VPS13B: variants seen among roughly 807,000 people sequenced by gnomAD.
The protein encoded by VPS13B is intermembrane lipid transfer protein VPS13B.
VPS13B carries 285 observed loss-of-function variants against 426.4 expected under a neutral mutation model. The ratio of observed to expected loss-of-function variants is 0.67; its 90% CI spans 0.61 to 0.74. The LOEUF (loss-of-function observed/expected upper bound fraction) is 0.74, where lower values mean the gene tolerates loss of function less well. Among genes scored for constraint, VPS13B ranks in the 30% least tolerant of loss-of-function variants. The pLI is 0.00. For synonymous variants in VPS13B, 1,676 were observed against 1,676.4 expected, an observed-to-expected ratio of 1.00 and a Z score of 0.01; for missense variants, 4,537 against 4,782.6, an observed-to-expected ratio of 0.95 and a Z score of 1.51.
intron 39 of VPS13B, among the ~76,000 whole-genome samples, chr8:99,740,826 C>A (rs970518318): frequency 6.6e-6 from 1 of 152,008 alleles, no homozygotes; most frequent in African/African-American, 2.4e-5. Context: ...GAAGGAAGCA[C>A]TAAACATGGA....
intron 17 of VPS13B, among the ~76,000 whole-genome samples, chr8:99,256,382 A>G (rs1213951340): frequency 2.0e-5 from 3 of 152,162 alleles, no homozygotes; most frequent in African/African-American, 7.2e-5. Flanking sequence ...TATCTTTTTG[A>G]AACTCTGTTT....
In VPS13B at chr8:99,877,449, C is replaced by T. The variant is rs7157; in HGVS notation, c.*1783C>T. 0.22 allele frequency: 32,975 copies of T among 152,514 alleles called. 4,043 individuals are homozygous for T. Among genetic ancestry groups the T allele is most frequent in the African/African-American group, 0.34 (14,021 of 41,462 alleles). The allele number at this position is 152,514 out of a possible 1,614,324, so 9.4% of individuals were successfully genotyped here. On this transcript the variant is annotated 3_prime_UTR_variant, in exon 62 of 62. Coordinates refer to ENST00000357162, the MANE Select transcript of VPS13B (RefSeq NM_152564.5). The stretch of plus-strand genomic sequence containing the variant: ...ATTACTGACCACCCATAGATGTCTA[C>T]TGTTACCAGGTTTTACAATGCAAAT...
chr8:99,252,753 C>T (rs985261864), intron 17 of VPS13B, among the ~76,000 whole-genome samples: 1 of 151,882 alleles, frequency 6.6e-6, no homozygotes, highest in African/African-American at 2.4e-5. Flanking sequence ...AGAGGATTGG[C>T]TCTTATAATT....
chr8:99,864,037 C>T (rs1439678874), intron 58 of VPS13B, among the ~76,000 whole-genome samples: 2 of 152,148 alleles, frequency 1.3e-5, no homozygotes, highest in Non-Finnish European at 2.9e-5. Flanking sequence ...CAAGGACTTC[C>T]TTTGTTTCAT....
chr8:99,779,454 A>G (rs1195302377), intron 42 of VPS13B, among the ~76,000 whole-genome samples: 2 of 152,200 alleles, frequency 1.3e-5, no homozygotes, highest in Non-Finnish European at 2.9e-5. Context: ...TCAAACAAAC[A>G]AACAAAAAAA....
intron 37 of VPS13B, 125 bp from the exon 38 acceptor site, chr8:99,720,220 T>C (rs1463531799): frequency 1.1e-5 from 9 of 788,404 alleles, no homozygotes; most frequent in Non-Finnish European, 1.4e-5. Context: ...TTAGGAATTA[T>C]AGTTTATAAG....
At chr8:99,319,770 G>A (rs1809875048) in intron 19 of VPS13B, among the ~76,000 whole-genome samples, 1 of 152,124 alleles carries the variant, frequency 6.6e-6, no homozygotes, top group Non-Finnish European at 1.5e-5. Context: ...TTCTTACTGA[G>A]GTTTTGATAT....
rs564300149 is a variant in VPS13B, at chr8:99,221,238, G to A, written c.2515+28181G>A. On this transcript the variant is annotated intron_variant, in intron 17 of 61. Transcript: ENST00000357162. ...AGTCTTTGCTATTGTGAATAGTGCC[G>A]CAATAAACATACGTGTGCATGTGTC... Among the ~76,000 whole-genome samples the A allele has an allele frequency of 2.6e-4, 38 of 144,046 alleles. No homozygotes were observed. In the East Asian group the frequency reaches 3.5e-3, roughly 13 times the overall value. The allele number at this position is 144,046 out of a possible 152,430, so 94.5% of individuals were successfully genotyped here. A position where few individuals can be genotyped will look rare whatever the true frequency, so the allele number is the denominator to read the frequency against.
At chr8:99,497,984 A>G (rs1396867890) in intron 25 of VPS13B, among the ~76,000 whole-genome samples, 1 of 152,148 alleles carries the variant, frequency 6.6e-6, no homozygotes, top group Non-Finnish European at 1.5e-5. Flanking sequence ...AAAAATAAAT[A>G]TATCAAAACA....
intron 39 of VPS13B, among the ~76,000 whole-genome samples, chr8:99,730,398 G>T (rs1489488748): frequency 6.6e-6 from 1 of 152,142 alleles, no homozygotes; most frequent in Non-Finnish European, 1.5e-5. Context: ...TAACGGTGCT[G>T]GATCAACTGC....
intron 35 of VPS13B, chr8:99,696,895 C>T: frequency 3.9e-6 from 3 of 774,372 alleles, no homozygotes; most frequent in South Asian, 1.4e-5. Flanking sequence ...GCGGTTCCAG[C>T]TCACCATGTG....
At position 99,624,009 on chromosome 8, in the gene VPS13B, T is replaced by TATATA. The variant is rs58273802; in HGVS notation, c.5221-17802_5221-17801insATATA. Among the ~76,000 whole-genome samples the TATATA allele has an allele frequency of 6.0e-3, 369 of 61,134 alleles. 1 individual carries two copies. The highest frequency in any genetic ancestry group is 0.026 in the African/African-American group (352 of 13,726). The allele number at this position is 61,134 out of a possible 152,430, so 40.1% of individuals were successfully genotyped here. ...ATGAAACATACATATATATATATATTTTTTTTTTTTTTTTTTTTTTTTTCT... is the reference window on the plus strand; with the variant it reads ...ATGAAACATACATATATATATATATTATATATTTTTTTTTTTTTTTTTTTTTTTCT... On this transcript the variant is annotated intron_variant, in intron 33 of 61. Coordinates refer to ENST00000357162, the MANE Select transcript of VPS13B (RefSeq NM_152564.5).
chr8:99,720,538 A>G lies in VPS13B; in HGVS notation c.6851A>G (p.Tyr2284Cys), dbSNP rs770211785. The G allele has an allele frequency of 1.2e-6, 2 of 1,613,998 alleles. No individual in the cohort carries two copies. Among genetic ancestry groups the G allele is most frequent in the Non-Finnish European group, 8.5e-7 (1 of 1,179,926 alleles). ...GACCTACGGACAGGTCTATTTCAGTATGTACAGGATGCTGGTAAGTAGCAA... is the reference window on the plus strand; with the variant it reads ...GACCTACGGACAGGTCTATTTCAGTGTGTACAGGATGCTGGTAAGTAGCAA... ...SDDLRTGLFQ[Y>C]VQDAESLKLP... Residue 2284 changes from tyrosine to cysteine, a missense_variant, in exon 38 of 62, where the codon TAT becomes TGT. By Grantham distance (194) the Tyr-to-Cys change is radical. Coordinates refer to ENST00000357162, the MANE Select transcript of VPS13B (RefSeq NM_152564.5).
chr8:99,478,723 A>C (rs1182316729), intron 24 of VPS13B, among the ~76,000 whole-genome samples: 1 of 151,780 alleles, frequency 6.6e-6, no homozygotes, highest in Non-Finnish European at 1.5e-5. Flanking sequence ...TGCTGGGATT[A>C]CAGGCATGAG....
intron 3 of VPS13B, among the ~76,000 whole-genome samples, chr8:99,090,173 C>T (rs1252886774): frequency 1.3e-5 from 2 of 151,980 alleles, no homozygotes; most frequent in African/African-American, 2.4e-5. Context: ...TATGCCTACT[C>T]TCCACTTTTC....
chr8:99,582,403 C>T (rs1231139217), intron 33 of VPS13B, among the ~76,000 whole-genome samples: 1 of 152,102 alleles, frequency 6.6e-6, no homozygotes, highest in Non-Finnish European at 1.5e-5. Flanking sequence ...ACCTGAATGG[C>T]CTATCATATC....
chr8:99,143,735 C>A (rs939128415), intron 13 of VPS13B, among the ~76,000 whole-genome samples: 1 of 152,148 alleles, frequency 6.6e-6, no homozygotes, highest in Non-Finnish European at 1.5e-5. Context: ...TAAAATTTGA[C>A]CCTCACTTCT....
chr8:99,186,012 G>C (rs1249232257), intron 16 of VPS13B, among the ~76,000 whole-genome samples: 1 of 152,080 alleles, frequency 6.6e-6, no homozygotes, highest in African/African-American at 2.4e-5. Flanking sequence ...TCCAAGTTGA[G>C]TTTTAATGAG....
At chr8:99,202,634 A>T (rs1259145121) in intron 17 of VPS13B, among the ~76,000 whole-genome samples, 1 of 152,192 alleles carries the variant, frequency 6.6e-6, no homozygotes, top group East Asian at 1.9e-4. Flanking sequence ...AGGAGCTGGT[A>T]CCATTCCTTC....
Sources: allele counts gnomAD v4.1 joint callset (sites outside exome capture counted in the v4.1 genomes callset), GRCh38; gene constraint gnomAD v4.1.1; transcripts MANE v1.5; gene names NCBI Gene and HGNC (gene_info 2026-07-23, HGNC 2026-07-21).